Variants in GCC2 observed in about 807,000 individuals in gnomAD.
GCC2 encodes the protein GRIP and coiled-coil domain-containing protein 2.
A neutral mutation model predicts 210.6 loss-of-function variants in GCC2; 120 were observed. The observed-to-expected ratio is 0.57, with a 90% CI of 0.49 to 0.66. The LOEUF (loss-of-function observed/expected upper bound fraction) is 0.66. Among genes scored for constraint, GCC2 ranks in the 30% least tolerant of loss-of-function variants. The pLI is 0.00. For missense variants in GCC2, 1,868 were observed against 1,871.9 expected, an observed-to-expected ratio of 1.00 and a Z score of 0.04; for synonymous variants, 703 against 652.7, an observed-to-expected ratio of 1.08 and a Z score of -1.17.
intron 22 of GCC2, among the ~76,000 whole-genome samples, chr2:108,501,120 C>T (rs1682906888): frequency 4.0e-5 from 6 of 151,726 alleles, no homozygotes; most frequent in Admixed American, 3.9e-4. Context: ...CTCAGCCTCC[C>T]CAGCAGCTGG....
At chr2:108,453,708 C>T (rs987782186) in intron 4 of GCC2, among the ~76,000 whole-genome samples, 1 of 151,800 alleles carries the variant, frequency 6.6e-6, no homozygotes, top group Non-Finnish European at 1.5e-5. Flanking sequence ...TTGCTTGAAC[C>T]CAGGAGGCAG....
chr2:108,467,911 G>A (rs1219885864), intron 4 of GCC2, among the ~76,000 whole-genome samples: 1 of 151,940 alleles, frequency 6.6e-6, no homozygotes, highest in Non-Finnish European at 1.5e-5. Context: ...GTTTTCTTTG[G>A]TGGACAATTT....
intron 18 of GCC2, among the ~76,000 whole-genome samples, chr2:108,491,320 A>G (rs929786849): frequency 6.6e-6 from 1 of 152,194 alleles, no homozygotes; most frequent in African/African-American, 2.4e-5. Flanking sequence ...GAGAATAGAC[A>G]CTTTACCCAC....
At position 108,449,589 on chromosome 2, in the gene GCC2, G is replaced by A. The variant is rs181630876; in HGVS notation, c.7-44G>A. 1,821 of 1,580,868 alleles carry A rather than the reference G, an allele frequency of 1.2e-3. 3 individuals carry two copies. The highest frequency in any genetic ancestry group is 2.5e-3 in the Middle Eastern group (15 of 6,006). ...GTTCTACGCGTTCCGTGTGGAATTA[G>A]GAAAAGAGTTCTTCTGACACCTGGG... On this transcript the variant is annotated intron_variant, in intron 1 of 22. Coordinates refer to ENST00000309863, the MANE Select transcript of GCC2 (RefSeq NM_181453.4).
chr2:108,451,332 G>A (rs1283625722), intron 3 of GCC2, among the ~76,000 whole-genome samples: 2 of 152,178 alleles, frequency 1.3e-5, no homozygotes, highest in Non-Finnish European at 2.9e-5. Flanking sequence ...AGTTGTTAAA[G>A]TCAGGGAGGA....
At chr2:108,469,375 A>G (rs773465866) in intron 5 of GCC2, 5 of 431,778 alleles carry the variant, frequency 1.2e-5, no homozygotes, top group Non-Finnish European at 2.0e-5. Context: ...TTATCTCTTT[A>G]GTTCTACGGT....
At chr2:108,473,001 AAC>A in intron 7 of GCC2, 102 bp downstream of exon 7, 1 of 662,608 alleles carries the variant, frequency 1.5e-6, no homozygotes, top group Non-Finnish European at 2.5e-6. Context: ...AGTTGTTAAA[AAC>A]ACAGTTCGTA....
At chr2:108,477,832 G>C (rs1245717475) in intron 9 of GCC2, among the ~76,000 whole-genome samples, 2 of 152,114 alleles carry the variant, frequency 1.3e-5, no homozygotes, top group African/African-American at 4.8e-5. Flanking sequence ...AGTCACTTGA[G>C]GCCAGGAGTT....
chr2:108,488,418 G>A (rs1267248844), intron 17 of GCC2, among the ~76,000 whole-genome samples: 2 of 152,230 alleles, frequency 1.3e-5, no homozygotes, highest in South Asian at 2.1e-4. Flanking sequence ...AGATCTTGTC[G>A]TGGTAGAAAT....
At chr2:108,464,208 G>A (rs1680750319) in intron 4 of GCC2, among the ~76,000 whole-genome samples, 1 of 152,186 alleles carries the variant, frequency 6.6e-6, no homozygotes, top group African/African-American at 2.4e-5. Context: ...GCCATAGGTA[G>A]GCAGCATCAC....
chr2:108,495,230 TA>T, intron 19 of GCC2, 60 bp from the exon 20 acceptor site: 1 of 1,040,940 alleles, frequency 9.6e-7, no homozygotes, highest in Non-Finnish European at 1.4e-6. Flanking sequence ...TGTATCTCTG[TA>T]AGGCCAAATC....
At chr2:108,454,154 C>G (rs1009014391) in intron 4 of GCC2, among the ~76,000 whole-genome samples, 1 of 152,138 alleles carries the variant, frequency 6.6e-6, no homozygotes. Context: ...CCATGCCTGG[C>G]TAATTTTTTG....
intron 22 of GCC2, among the ~76,000 whole-genome samples, chr2:108,500,894 T>C (rs1682892478): frequency 6.6e-6 from 1 of 152,192 alleles, no homozygotes; most frequent in South Asian, 2.1e-4. Context: ...ATACCTAGTT[T>C]ATGTTCATTT....
In GCC2 at chr2:108,469,004, C is replaced by G; in HGVS notation, c.241C>G (p.Leu81Val). ...GGCATTAACTGAACGTCTGGATGCT[C>G]TTCTTCTGGAAAAAGCAGAGACTGA... ...IKALTERLDA[L>V]LLEKAETEQQ... The change falls in exon 5 of 23, where the codon CTT (leucine) becomes GTT (valine). Residue 81 changes from leucine to valine, a missense_variant. Physicochemically the swap from Leu to Val is conservative, Grantham distance 32. Transcript: ENST00000309863. 6.2e-7 allele frequency: 1 copy of G among 1,612,382 alleles called. No homozygotes were observed. The highest frequency in any genetic ancestry group is 8.5e-7 in the Non-Finnish European group (1 of 1,178,660).
In GCC2 at chr2:108,484,118, T is replaced by G. The variant is rs201986921; in HGVS notation, c.3451-31T>G. On this transcript the variant is annotated intron_variant, in intron 12 of 22. Coordinates refer to ENST00000309863, the MANE Select transcript of GCC2 (RefSeq NM_181453.4). ...ATTTACAAATGAACTGATCTACTAT[T>G]GTGTAAATCTTTTACTTATAAAATG... 1,492 of 1,478,512 alleles carry G rather than the reference T, an allele frequency of 1.0e-3. 4 individuals carry two copies. The highest frequency in any genetic ancestry group is 1.7e-3 in the Admixed American group (72 of 42,086). 91.6% of individuals were successfully genotyped at this position (1,478,512 alleles called of 1,614,324 possible). A position where few individuals can be genotyped will look rare whatever the true frequency, so the allele number is the denominator to read the frequency against.
intron 4 of GCC2, among the ~76,000 whole-genome samples, chr2:108,458,584 C>T (rs1160223944): frequency 6.6e-6 from 1 of 151,824 alleles, no homozygotes; most frequent in Non-Finnish European, 1.5e-5. Flanking sequence ...CTTTTTATTA[C>T]TGATTCGTTC....
chr2:108,452,355 T>C (rs778019583), intron 3 of GCC2, 44 bp from the exon 4 acceptor site: 38 of 987,018 alleles, frequency 3.8e-5, no homozygotes, highest in Non-Finnish European at 6.2e-5. Context: ...AGTAATTATG[T>C]TCTTTATTTC....
chr2:108,487,643 A>G, intron 16 of GCC2, 56 bp from the exon 17 acceptor site: 6 of 1,474,150 alleles, frequency 4.1e-6, no homozygotes, highest in Non-Finnish European at 5.5e-6. Flanking sequence ...TCTCTGAAAG[A>G]AAATAGAAGG....
intron 4 of GCC2, among the ~76,000 whole-genome samples, chr2:108,461,481 C>A (rs1469436128): frequency 2.0e-5 from 3 of 152,096 alleles, no homozygotes; most frequent in South Asian, 2.1e-4. Flanking sequence ...CACTATTTCA[C>A]TAAATAGGTT....
Sources: allele counts gnomAD v4.1 joint callset (sites outside exome capture counted in the v4.1 genomes callset), GRCh38; gene constraint gnomAD v4.1.1; transcripts MANE v1.5; gene names NCBI Gene and HGNC (gene_info 2026-07-23, HGNC 2026-07-21).